Variants in MRTFB observed in about 807,000 individuals in gnomAD.
MRTFB encodes myocardin related transcription factor B, also known as myocardin-related transcription factor B.
MRTFB carries 29 observed loss-of-function variants against 104.2 expected under a neutral mutation model. That is an observed-to-expected ratio of 0.28 (90% CI 0.21 to 0.38). MRTFB has a LOEUF of 0.38. MRTFB is among the 10% of genes least tolerant of loss of function. MRTFB has a pLI of 1.00. For missense variants in MRTFB, 1,270 were observed against 1,341.6 expected (o/e 0.95, Z 0.83); for synonymous variants, 535 against 519.5 (o/e 1.03, Z -0.41).
At chr16:14,067,918 A>G (rs1278586237), upstream of MRTFB, among the ~76,000 whole-genome samples, 1 of 151,954 alleles carries the variant, frequency 6.6e-6, no homozygotes, top group East Asian at 1.9e-4. Flanking sequence ...TGCAACCTCC[A>G]CCTCCTGGGT....
At chr16:14,104,962 G>C (rs1178548806) in intron 2 of MRTFB, among the ~76,000 whole-genome samples, 2 of 152,056 alleles carry the variant, frequency 1.3e-5, no homozygotes, top group Non-Finnish European at 2.9e-5. Flanking sequence ...TAGAACTTAG[G>C]GCTGTCAGGA....
At chr16:14,150,691 T>C (rs1415296907) in intron 3 of MRTFB, 1 of 152,072 alleles carries the variant, frequency 6.6e-6, no homozygotes, top group Non-Finnish European at 1.5e-5. Context: ...TAAAGGAAAT[T>C]ATGAGGAACA....
Position 14,246,805 on chromosome 16 carries a change from C to A in MRTFB, c.1545C>A (p.Leu515=). 1 of 1,613,516 alleles carries A rather than the reference C, an allele frequency of 6.2e-7. No individual in the cohort carries two copies. The highest frequency in any genetic ancestry group is 8.5e-7 in the Non-Finnish European group (1 of 1,180,036). The change falls in exon 12 of 17, where the codon CTC becomes CTA. Residue 515 remains leucine (L), a synonymous_variant. Coordinates refer to ENST00000571589, the MANE Select transcript of MRTFB (RefSeq NM_001308142.2). ...CATCTCCCTCCGAACAGTCCAGTCTCAGTACTGATGACACAAACATGGCAG... is the reference window on the plus strand; with the variant it reads ...CATCTCCCTCCGAACAGTCCAGTCTAAGTACTGATGACACAAACATGGCAG... ...ISPSPSEQSS[L]STDDTNMADT...
the MRTFB span, among the ~76,000 whole-genome samples, chr16:14,040,306 C>T: frequency 6.6e-6 from 1 of 152,198 alleles, no homozygotes; most frequent in African/African-American, 2.4e-5. Flanking sequence ...CATCCTCTTA[C>T]ATGTCCTAGG....
At chr16:14,120,759 T>C (rs951949528) in intron 2 of MRTFB, among the ~76,000 whole-genome samples, 1 of 152,106 alleles carries the variant, frequency 6.6e-6, no homozygotes, top group Non-Finnish European at 1.5e-5. Flanking sequence ...TGGAACTTAG[T>C]GTGTGGGGGA....
intron 11 of MRTFB, 115 bp downstream of exon 11, chr16:14,245,775 C>T (rs1431298218): frequency 8.8e-7 from 1 of 1,137,086 alleles, no homozygotes; most frequent in Non-Finnish European, 1.2e-6. Flanking sequence ...ACTTTACCAA[C>T]AATATGATAA....
the MRTFB span, among the ~76,000 whole-genome samples, chr16:14,029,238 C>T: frequency 4.0e-5 from 6 of 151,128 alleles, no homozygotes; most frequent in South Asian, 8.4e-4. Flanking sequence ...CCCAGGAGGT[C>T]GAAGCTGCAG....
rs1567239797 is a variant in MRTFB, at chr16:14,266,432, AAT to A, written c.*4989_*4990del. On this transcript the variant is annotated 3_prime_UTR_variant, in exon 17 of 17. Coordinates refer to ENST00000571589, the MANE Select transcript of MRTFB (RefSeq NM_001308142.2). Reference sequence around the variant, plus strand: ...TTATGAAAAAAAGGAGAAAGATACCAATCTACAGAGCCCTGCTTGTTGAAGCA... The same window carrying A: ...TTATGAAAAAAAGGAGAAAGATACCACTACAGAGCCCTGCTTGTTGAAGCA... 3.9e-5 allele frequency: 6 copies of A among 152,240 alleles called. No individual in the cohort carries two copies. Among genetic ancestry groups the A allele is most frequent in the Non-Finnish European group, 1.5e-5 (1 of 68,046 alleles). 9.4% of individuals were successfully genotyped at this position (152,240 alleles called of 1,614,324 possible).
the MRTFB span, among the ~76,000 whole-genome samples, chr16:13,998,645 C>T: frequency 6.8e-6 from 1 of 147,908 alleles, no homozygotes; most frequent in Non-Finnish European, 1.5e-5. Context: ...GACCCTGTCT[C>T]GAAGAAGAAG....
chr16:14,101,218 A>G (rs1242727506), intron 2 of MRTFB, among the ~76,000 whole-genome samples: 1 of 151,130 alleles, frequency 6.6e-6, no homozygotes, highest in Non-Finnish European at 1.5e-5. Context: ...TCTCTAAGAC[A>G]TATAAGATAT....
intron 2 of MRTFB, among the ~76,000 whole-genome samples, chr16:14,089,897 A>G (rs996792630): frequency 6.6e-6 from 1 of 152,208 alleles, no homozygotes; most frequent in African/African-American, 2.4e-5. Flanking sequence ...GATATTGAAC[A>G]TCTTTTCATG....
At chr16:14,210,686 C>T (rs193121817) in intron 4 of MRTFB, among the ~76,000 whole-genome samples, 5 of 152,238 alleles carry the variant, frequency 3.3e-5, no homozygotes, top group African/African-American at 9.6e-5. Context: ...ACAATTTTTA[C>T]TTAGACTTAT....
chr16:14,079,965 AAT>A (rs1464313059), intron 2 of MRTFB, among the ~76,000 whole-genome samples: 3 of 152,168 alleles, frequency 2.0e-5, no homozygotes, highest in African/African-American at 7.2e-5. Context: ...TTAATGGAAA[AAT>A]ATGTTTTGTA....
At chr16:14,054,373 C>A in the MRTFB span, among the ~76,000 whole-genome samples, 8 of 152,164 alleles carry the variant, frequency 5.3e-5, no homozygotes, top group African/African-American at 1.2e-4. Context: ...CCTGCCACCA[C>A]GTCTGGCTAA....
At chr16:14,172,618 G>A (rs1386300226) in intron 3 of MRTFB, among the ~76,000 whole-genome samples, 3 of 152,064 alleles carry the variant, frequency 2.0e-5, no homozygotes, top group Non-Finnish European at 4.4e-5. Context: ...CCAGAGGGTT[G>A]CATCACTTCG....
chr16:14,046,683 C>T, the MRTFB span, among the ~76,000 whole-genome samples: 1 of 152,126 alleles, frequency 6.6e-6, no homozygotes. Context: ...CCAACTGCCA[C>T]GATCATGTTT....
At chr16:14,248,845 C>G in intron 12 of MRTFB, 81 bp from the exon 13 acceptor site, 1 of 1,445,632 alleles carries the variant, frequency 6.9e-7, no homozygotes, top group Non-Finnish European at 9.5e-7. Flanking sequence ...CCCCAAGTGA[C>G]CAGTGATTCT....
At chr16:14,249,336 CA>C (rs2043159969) in intron 13 of MRTFB, among the ~76,000 whole-genome samples, 1 of 152,134 alleles carries the variant, frequency 6.6e-6, no homozygotes, top group South Asian at 2.1e-4. Flanking sequence ...GGGAAAGTTT[CA>C]AAAGTATTTG....
chr16:14,077,647 C>T (rs1173741686), intron 1 of MRTFB, among the ~76,000 whole-genome samples: 1 of 151,694 alleles, frequency 6.6e-6, no homozygotes, highest in African/African-American at 2.4e-5. Flanking sequence ...ATCTATTTGA[C>T]TTCTCTGAGC....
Sources: allele counts gnomAD v4.1 joint callset (sites outside exome capture counted in the v4.1 genomes callset), GRCh38; gene constraint gnomAD v4.1.1; transcripts MANE v1.5; gene names NCBI Gene and HGNC (gene_info 2026-07-23, HGNC 2026-07-21).